Variants in SIPA1L3 observed in about 807,000 individuals in gnomAD.
SIPA1L3 encodes the protein signal induced proliferation associated 1 like 3.
SIPA1L3 carries 59 observed loss-of-function variants against 150.1 expected under a neutral mutation model. The observed-to-expected ratio is 0.39, with a 90% CI of 0.32 to 0.49. The LOEUF (loss-of-function observed/expected upper bound fraction) is 0.49. Ranked by LOEUF, SIPA1L3 falls within the 20% of genes least tolerant of loss-of-function variation. The pLI, the probability that SIPA1L3 is intolerant of heterozygous loss-of-function variation, is 0.86. For synonymous variants in SIPA1L3, 1,070 were observed against 1,077.6 expected (o/e 0.99, Z 0.14); for missense variants, 2,211 against 2,489.5 (o/e 0.89, Z 2.38).
chr19:38,079,549 GTTTTTGGGGATTTTTTTTTT>G (rs1224017231), intron 2 of SIPA1L3, among the ~76,000 whole-genome samples: 1 of 142,046 alleles, frequency 7.0e-6, no homozygotes. Context: ...GTTTGTTTTT[GTTTTTGGGGATTTTTTTTTT>G]TTTTTGAGAT....
chr19:38,121,707 C>T (rs1181493664), intron 9 of SIPA1L3, among the ~76,000 whole-genome samples: 1 of 151,954 alleles, frequency 6.6e-6, no homozygotes, highest in East Asian at 1.9e-4. Flanking sequence ...CCACTGCACT[C>T]CAGCTTGGGT....
At chr19:37,938,730 C>G (rs1430995632) in intron 1 of SIPA1L3, among the ~76,000 whole-genome samples, 2 of 149,818 alleles carry the variant, frequency 1.3e-5, no homozygotes, top group African/African-American at 2.5e-5. Context: ...TCAAGCAATT[C>G]TCCTGCCTCA....
chr19:38,155,358 G>A (rs909911551), intron 13 of SIPA1L3, among the ~76,000 whole-genome samples: 6 of 152,300 alleles, frequency 3.9e-5, no homozygotes, highest in Middle Eastern at 3.4e-3. Flanking sequence ...TTACAGGCGC[G>A]AGCCACCGCA....
chr19:38,150,574 C>T (rs1971798067), intron 12 of SIPA1L3, among the ~76,000 whole-genome samples: 1 of 141,060 alleles, frequency 7.1e-6, no homozygotes, highest in African/African-American at 2.6e-5. Context: ...GTTCTGTTGT[C>T]CAGGCTGGAG....
intron 1 of SIPA1L3, among the ~76,000 whole-genome samples, chr19:38,017,639 C>T (rs1968269180): frequency 2.0e-5 from 3 of 152,032 alleles, no homozygotes; most frequent in African/African-American, 4.8e-5. Context: ...ATCCTCCAGC[C>T]CTCAGCCTCC....
chr19:38,071,201 TTATCTATCTATC>T (rs60942211), intron 2 of SIPA1L3, among the ~76,000 whole-genome samples: 14,122 of 142,156 alleles, frequency 0.099, 689 homozygotes, highest in Middle Eastern at 0.16. Context: ...TTATGTTGTT[TTATCTATCTATC>T]TATCTATCTA....
At chr19:38,155,941 C>T (rs948598896) in intron 13 of SIPA1L3, among the ~76,000 whole-genome samples, 5 of 151,980 alleles carry the variant, frequency 3.3e-5, no homozygotes, top group African/African-American at 9.7e-5. Context: ...ATTAACCAGG[C>T]GTGATGGTGC....
chr19:37,988,469 A>G (rs192867095), intron 1 of SIPA1L3, among the ~76,000 whole-genome samples: 89 of 152,294 alleles, frequency 5.8e-4, no homozygotes, highest in Non-Finnish European at 1.1e-3. Context: ...TGAGGTCAGG[A>G]GTTTGAGACC....
chr19:38,134,737 C>T (rs1324581274), intron 10 of SIPA1L3, among the ~76,000 whole-genome samples: 1 of 135,192 alleles, frequency 7.4e-6, no homozygotes, highest in Non-Finnish European at 1.6e-5. Flanking sequence ...AAAAAAGGCA[C>T]GTGGGACAGT....
intron 1 of SIPA1L3, among the ~76,000 whole-genome samples, chr19:37,980,612 C>T (rs1000941637): frequency 1.3e-5 from 2 of 152,114 alleles, no homozygotes; most frequent in East Asian, 3.9e-4. Context: ...GAGGCTGAGG[C>T]CAGGGAGGAG....
intron 1 of SIPA1L3, among the ~76,000 whole-genome samples, chr19:38,018,963 C>T (rs1406646475): frequency 6.6e-6 from 1 of 152,140 alleles, no homozygotes; most frequent in Non-Finnish European, 1.5e-5. Context: ...GCAAAGTGAT[C>T]GTAACCCCAC....
In SIPA1L3 at chr19:38,101,121, A is replaced by C; in HGVS notation, c.1924A>C (p.Asn642His). ...AGQSSEEEMY[N>H]NEEAGPAFEE... is the part of the protein sequence containing the mutation. ...CCAGAGCTCCGAGGAGGAGATGTAC[A>C]ACAATGAGGAGGCCGGCCCCGCCTT... The change falls in exon 6 of 22, where the codon AAC (asparagine) becomes CAC (histidine). Residue 642 changes from asparagine (N) to histidine (H), a missense_variant. Asn to His is a moderately conservative substitution (Grantham distance 68). Transcript: ENST00000222345. The C allele has an allele frequency of 6.2e-7, 1 of 1,611,112 alleles. No individual in the cohort carries two copies. Among genetic ancestry groups the C allele is most frequent in the Non-Finnish European group, 8.5e-7 (1 of 1,179,020 alleles).
intron 16 of SIPA1L3, among the ~76,000 whole-genome samples, chr19:38,188,797 C>A (rs928757844): frequency 1.3e-5 from 2 of 151,792 alleles, no homozygotes; most frequent in African/African-American, 4.8e-5. Flanking sequence ...GTGGCGGGCA[C>A]CTGTAGTCCC....
At chr19:37,987,633 G>T (rs1967390073) in intron 1 of SIPA1L3, among the ~76,000 whole-genome samples, 1 of 152,172 alleles carries the variant, frequency 6.6e-6, no homozygotes, top group Admixed American at 6.5e-5. Flanking sequence ...TTGGTTACCA[G>T]CGGCCTCGCA....
At chr19:38,198,354 A>G in intron 18 of SIPA1L3, 35 bp from the exon 19 acceptor site, 1 of 1,481,938 alleles carries the variant, frequency 6.7e-7, no homozygotes, top group Non-Finnish European at 9.0e-7. Context: ...GCATTGTCAC[A>G]CTCAACCACT....
Position 38,082,709 on chromosome 19 carries a change from G to A in SIPA1L3, c.1144G>A (p.Ala382Thr), listed in dbSNP as rs1191654950. The change falls in exon 3 of 22, where the codon GCC (alanine) becomes ACC (threonine). Residue 382 changes from alanine to threonine, a missense_variant. Around this residue, in one of 5 missense-constraint regions of SIPA1L3, gnomAD observed 587 missense variants for 534.5 expected, o/e 1.10. Transcript: ENST00000222345. ...ASAASAASAM[A>T]SLTASRAHSL... ...GGCCGCTTCCGCCGCCTCGGCCATG[G>A]CCTCCCTCACGGCCTCGCGGGCCCA... 6.2e-7 allele frequency: 1 copy of A among 1,610,574 alleles called. No individual in the cohort carries two copies. The highest frequency in any genetic ancestry group is 8.5e-7 in the Non-Finnish European group (1 of 1,178,918).
At position 38,091,105 on chromosome 19, in the gene SIPA1L3, G is replaced by T. The variant is rs532825830; in HGVS notation, c.1665+2254G>T. On this transcript the variant is annotated intron_variant, in intron 4 of 21. Transcript: ENST00000222345. ...CCTACAGTCATATACTTATAAATAG[G>T]CTGGGTGCAGCGGCTCACACCTGTA... 1.1e-3 allele frequency among the ~76,000 whole-genome samples: 167 copies of T among 152,306 alleles called. 1 individual carries two copies. Among genetic ancestry groups the T allele is most frequent in the Middle Eastern group, 6.8e-3 (2 of 294 alleles).
intron 2 of SIPA1L3, among the ~76,000 whole-genome samples, chr19:38,056,113 C>T (rs922508050): frequency 2.6e-5 from 4 of 152,228 alleles, no homozygotes; most frequent in Non-Finnish European, 5.9e-5. Flanking sequence ...CCACCAGGTA[C>T]CCGGCTGAGG....
intron 4 of SIPA1L3, among the ~76,000 whole-genome samples, chr19:38,092,473 T>TGGCTTG (rs1254942184): frequency 2.6e-5 from 4 of 152,160 alleles, no homozygotes; most frequent in African/African-American, 9.7e-5. Flanking sequence ...TCCTGTTCAC[T>TGGCTTG]AAGTTTGAAA....
Sources: allele counts gnomAD v4.1 joint callset (sites outside exome capture counted in the v4.1 genomes callset), GRCh38; gene constraint gnomAD v4.1.1; regional missense constraint gnomAD v4.1.1; transcripts MANE v1.5; gene names NCBI Gene and HGNC (gene_info 2026-07-23, HGNC 2026-07-21).